Variants in PCBP3 observed in about 807,000 individuals in gnomAD.
PCBP3 encodes the protein poly(rC)-binding protein 3.
A neutral mutation model predicts 52.7 loss-of-function variants in PCBP3; 25 were observed. That is an observed-to-expected ratio of 0.47 (90% CI 0.35 to 0.66). The LOEUF is 0.66. Ranked by LOEUF, PCBP3 falls within the 30% of genes least tolerant of loss-of-function variation. PCBP3 has a pLI of 0.01. For missense variants in PCBP3, 391 were observed against 490.3 expected (o/e 0.80, Z 1.91); for synonymous variants, 162 against 183.0 (o/e 0.89, Z 0.93).
At chr21:45,651,879 A>T (rs2079707324) in intron 1 of PCBP3, among the ~76,000 whole-genome samples, 1 of 152,238 alleles carries the variant, frequency 6.6e-6, no homozygotes, top group Admixed American at 6.5e-5. Flanking sequence ...AGGTTGGGAT[A>T]GGACAGAACT....
chr21:45,753,983 T>C (rs1277869052), intron 3 of PCBP3, among the ~76,000 whole-genome samples: 3 of 152,234 alleles, frequency 2.0e-5, no homozygotes, highest in Admixed American at 2.0e-4. Context: ...TCTTCTAAAA[T>C]GCATCGTGGT....
rs571181116 is a variant in PCBP3, at chr21:45,708,453, G to T, written c.-199-26939G>T. On this transcript the variant is annotated intron_variant, in intron 2 of 17. Transcript: ENST00000681687. ...ACTGTTGATCAAGAAGCCAAGGAGG[G>T]CAACACCACTGTTTTGCTGCTTAAG... Among the ~76,000 whole-genome samples, 3 of 152,268 alleles carry T rather than the reference G, an allele frequency of 2.0e-5. No individual in the cohort carries two copies. In the South Asian group the frequency reaches 6.2e-4, roughly 32 times the overall value.
intron 1 of PCBP3, among the ~76,000 whole-genome samples, chr21:45,655,782 G>C (rs1472942898): frequency 6.6e-6 from 1 of 151,978 alleles, no homozygotes; most frequent in Non-Finnish European, 1.5e-5. Context: ...CTAATATCCA[G>C]AGCCTACAAA....
At chr21:45,810,807 A>G (rs2092666669) in intron 4 of PCBP3, among the ~76,000 whole-genome samples, 1 of 152,122 alleles carries the variant, frequency 6.6e-6, no homozygotes, top group African/African-American at 2.4e-5. Flanking sequence ...TCTTGTCGGG[A>G]AGGTATTTGA....
intron 2 of PCBP3, among the ~76,000 whole-genome samples, chr21:45,695,818 C>G (rs530348607): frequency 6.6e-6 from 1 of 152,054 alleles, no homozygotes; most frequent in African/African-American, 2.4e-5. Context: ...CGTTGGCTCA[C>G]GTGTGTAATC....
chr21:45,756,343 A>G lies in PCBP3; in HGVS notation c.-126+891A>G, dbSNP rs80093975. Among the ~76,000 whole-genome samples the G allele has an allele frequency of 2.6e-4, 39 of 152,306 alleles. No individual in the cohort carries two copies. The East Asian group carries it at 7.3e-3, about 29-fold the overall frequency. On this transcript the variant is annotated intron_variant, in intron 4 of 17. Coordinates refer to ENST00000681687, the MANE Select transcript of PCBP3 (RefSeq NM_001384156.1). ...GTTCTGTTTACTGTAGCTTTATAAT[A>G]AGTCTTGAAATCAGGTACAATGAGT...
intron 2 of PCBP3, among the ~76,000 whole-genome samples, chr21:45,679,651 G>A (rs542154830): frequency 6.6e-6 from 1 of 152,174 alleles, no homozygotes; most frequent in African/African-American, 2.4e-5. Flanking sequence ...TATCACATTT[G>A]CAAATATGTC....
At chr21:45,711,067 A>C (rs1004377332) in intron 2 of PCBP3, among the ~76,000 whole-genome samples, 1 of 152,106 alleles carries the variant, frequency 6.6e-6, no homozygotes, top group South Asian at 2.1e-4. Context: ...CATTTTGTGT[A>C]TAGTATTTCC....
intron 5 of PCBP3, among the ~76,000 whole-genome samples, chr21:45,860,440 G>C (rs2094466272): frequency 6.6e-6 from 1 of 152,214 alleles, no homozygotes; most frequent in African/African-American, 2.4e-5. Flanking sequence ...ACACCATGTT[G>C]CTGTCTGTGT....
intron 5 of PCBP3, chr21:45,893,743 G>A (rs2095748232): frequency 1.0e-6 from 1 of 985,282 alleles, no homozygotes; most frequent in Admixed American, 6.1e-5. Flanking sequence ...GGACCTGGAT[G>A]GACCAGAGCT....
At chr21:45,776,996 A>G (rs1390136508) in intron 4 of PCBP3, among the ~76,000 whole-genome samples, 1 of 151,992 alleles carries the variant, frequency 6.6e-6, no homozygotes, top group African/African-American at 2.4e-5. Flanking sequence ...TCTTTGTGTG[A>G]TGCTTTACCA....
At chr21:45,899,819 G>A (rs1006975800) in intron 7 of PCBP3, among the ~76,000 whole-genome samples, 197 bp downstream of exon 7, 3 of 152,178 alleles carry the variant, frequency 2.0e-5, no homozygotes, top group Admixed American at 6.5e-5. Context: ...CTGGCTCTGC[G>A]TGGCCTGAGG....
chr21:45,932,034 A>G, intron 15 of PCBP3, among the ~76,000 whole-genome samples: 1 of 151,588 alleles, frequency 6.6e-6, no homozygotes, highest in African/African-American at 2.4e-5. Context: ...TCCTGAGATG[A>G]ATGAACACAA....
At chr21:45,784,723 G>A (rs540700502) in intron 4 of PCBP3, among the ~76,000 whole-genome samples, 3,045 of 152,340 alleles carry the variant, frequency 0.02, 47 homozygotes, top group Middle Eastern at 0.048. Flanking sequence ...TCGGCCTCCC[G>A]AGGTGCCGGG....
At chr21:45,789,230 GCATA>G (rs1202907676) in intron 4 of PCBP3, among the ~76,000 whole-genome samples, 2 of 152,356 alleles carry the variant, frequency 1.3e-5, no homozygotes, top group South Asian at 2.1e-4. Flanking sequence ...GCATGTTTGT[GCATA>G]CATAGTGTGT....
chr21:45,920,536 T>C (rs1337546622), intron 13 of PCBP3, among the ~76,000 whole-genome samples: 1 of 152,212 alleles, frequency 6.6e-6, no homozygotes, highest in Admixed American at 6.5e-5. Context: ...ATGGTTTAAA[T>C]ATGTCTATTC....
chr21:45,899,462 CCTT>C, intron 6 of PCBP3, 134 bp from the exon 7 acceptor site: 2 of 660,246 alleles, frequency 3.0e-6, no homozygotes, highest in Non-Finnish European at 5.5e-6. Context: ...CTGAATTCTC[CCTT>C]CTTCATGCAC....
chr21:45,934,878 A>G (rs1408358136), intron 15 of PCBP3, among the ~76,000 whole-genome samples: 1 of 152,188 alleles, frequency 6.6e-6, no homozygotes, highest in Non-Finnish European at 1.5e-5. Flanking sequence ...TGGGTGCTGC[A>G]CAGAGACCCT....
intron 2 of PCBP3, among the ~76,000 whole-genome samples, chr21:45,697,995 C>A (rs1199927531): frequency 4.6e-5 from 7 of 152,184 alleles, no homozygotes; most frequent in Non-Finnish European, 1.0e-4. Flanking sequence ...GGCCCATCCA[C>A]CTTCCCTACA....
Sources: gnomAD v4.1 joint callset for allele counts (sites outside exome capture counted in the v4.1 genomes callset) on GRCh38, gnomAD v4.1.1 for gene constraint, MANE v1.5 for transcripts, NCBI Gene and HGNC (gene_info 2026-07-23, HGNC 2026-07-21) for gene names.